Variants in PID1 observed in about 807,000 individuals in gnomAD.
PID1 encodes the protein phosphotyrosine interaction domain containing 1.
PID1 carries 10 observed loss-of-function variants against 19.1 expected under a neutral mutation model. That is an observed-to-expected ratio of 0.52 (90% confidence interval 0.32 to 0.89). PID1 has a LOEUF of 0.89. Among genes scored for constraint, PID1 ranks in the 40% least tolerant of loss-of-function variants. The pLI is 0.03. For missense variants in PID1, 248 were observed against 285.3 expected, an observed-to-expected ratio of 0.87 and a Z score of 0.94; for synonymous variants, 130 against 116.0, an observed-to-expected ratio of 1.12 and a Z score of -0.78.
rs138857090 is a variant in PID1 at position 229,092,585 on chromosome 2, T to C, written c.177+63233A>G. On this transcript the variant is annotated intron_variant, in intron 2 of 2. Transcript: ENST00000392055. ...CTAAACTACTAGGGACTGTGCATGA[T>C]GACTAAGACCCAACAGCTCTGTCAA... Among the ~76,000 whole-genome samples the C allele has an allele frequency of 5.4e-3, 825 of 152,282 alleles. 5 individuals carry two copies. The highest frequency in any genetic ancestry group is 8.6e-3 in the Non-Finnish European group (585 of 68,022).
chr2:229,231,936 G>A, intron 1 of PID1: 1 of 1,550,432 alleles, frequency 6.4e-7, no homozygotes, highest in Non-Finnish European at 8.7e-7. Flanking sequence ...CGTTCCGGAG[G>A]CTAGGAAGAT....
intron 2 of PID1, among the ~76,000 whole-genome samples, chr2:229,120,273 G>A (rs964181789): frequency 6.6e-6 from 1 of 151,922 alleles, no homozygotes; most frequent in Non-Finnish European, 1.5e-5. Flanking sequence ...TTGACCAGAA[G>A]CCTTACCAAT....
At chr2:229,257,485 G>C (rs1426973652) in intron 1 of PID1, among the ~76,000 whole-genome samples, 2 of 152,074 alleles carry the variant, frequency 1.3e-5, no homozygotes, top group Non-Finnish European at 2.9e-5. Flanking sequence ...GTTAGAAGCA[G>C]AAGTACAGTA....
In PID1 at chr2:229,233,965, T is replaced by C. The variant is rs560307356; in HGVS notation, c.30+37049A>G. 1.3e-4 allele frequency among the ~76,000 whole-genome samples: 20 copies of C among 152,342 alleles called. 1 individual carries two copies. Among genetic ancestry groups the C allele is most frequent in the Middle Eastern group, 3.4e-3 (1 of 294 alleles). On this transcript the variant is annotated intron_variant, in intron 1 of 2. Transcript: ENST00000392055. ...AATATCCTTAGTCTCAAGAAGCATA[T>C]GACTTGGAAGGCTAAGACGTACAGA...
Position 229,211,670 on chromosome 2 carries a change from A to G in PID1, c.31-55706T>C, listed in dbSNP as rs575139063. ...CTATCTCTTCTACAGAATGTGATGC[A>G]TGGGCTTTGTGGCAGCTGTCTGAGT... On this transcript the variant is annotated intron_variant, in intron 1 of 2. Coordinates refer to ENST00000392055, the MANE Select transcript of PID1 (RefSeq NM_001100818.2). Among the ~76,000 whole-genome samples, 4 of 152,312 alleles carry G rather than the reference A, an allele frequency of 2.6e-5. No individual in the cohort carries two copies. In the East Asian group the frequency reaches 7.7e-4, roughly 29 times the overall value.
chr2:229,196,432 C>G (rs1376912348), intron 1 of PID1, among the ~76,000 whole-genome samples: 1 of 151,964 alleles, frequency 6.6e-6, no homozygotes, highest in Non-Finnish European at 1.5e-5. Flanking sequence ...TAAAAGTTAT[C>G]TATACTTTCC....
In PID1 at chr2:229,043,821, G is replaced by T. The variant is rs61077482; in HGVS notation, c.178-17713C>A. On this transcript the variant is annotated intron_variant, in intron 2 of 2. Coordinates refer to ENST00000392055, the MANE Select transcript of PID1 (RefSeq NM_001100818.2). ...GCCTGGCCAGCCATGGAAGCCATCG[G>T]CTTAGGTAAGCAGAAAATGCATCTT... 7.0e-4 allele frequency among the ~76,000 whole-genome samples: 107 copies of T among 152,314 alleles called. No individual in the cohort carries two copies. In the East Asian group the frequency reaches 0.019, roughly 27 times the overall value.
intron 2 of PID1, among the ~76,000 whole-genome samples, chr2:229,110,018 G>A (rs1047356039): frequency 2.0e-5 from 3 of 152,178 alleles, no homozygotes; most frequent in Admixed American, 1.3e-4. Flanking sequence ...CTGCTGAAAG[G>A]AGCTTTAAGA....
chr2:229,145,162 T>C (rs758095692), intron 2 of PID1, among the ~76,000 whole-genome samples: 11,344 of 134,370 alleles, frequency 0.084, 589 homozygotes, highest in East Asian at 0.24. Context: ...TGTGTATATA[T>C]ATATATATAT....
chr2:229,106,497 T>C (rs1195835981), intron 2 of PID1, among the ~76,000 whole-genome samples: 1 of 152,198 alleles, frequency 6.6e-6, no homozygotes, highest in Non-Finnish European at 1.5e-5. Context: ...ATGAATAGTA[T>C]TGATAGATAG....
chr2:229,070,691 G>T (rs1300735358), intron 2 of PID1, among the ~76,000 whole-genome samples: 1 of 152,134 alleles, frequency 6.6e-6, no homozygotes, highest in African/African-American at 2.4e-5. Context: ...GGGAGCAGGA[G>T]AGGCATCAAA....
rs191849333 is a variant in PID1 at position 229,076,406 on chromosome 2, G to T, written c.178-50298C>A. On this transcript the variant is annotated intron_variant, in intron 2 of 2. Transcript: ENST00000392055. ...TTTGTTTTTTTTTTACTTTTTTTAT[G>T]ATTATACTTTAAGTTCTGGGATAAC... Among the ~76,000 whole-genome samples the T allele has an allele frequency of 7.3e-5, 11 of 151,204 alleles. No homozygotes were observed. In the East Asian group the frequency reaches 1.6e-3, roughly 21 times the overall value.
At chr2:229,201,968 A>G (rs1433823425) in intron 1 of PID1, among the ~76,000 whole-genome samples, 2 of 152,000 alleles carry the variant, frequency 1.3e-5, no homozygotes, top group Non-Finnish European at 2.9e-5. Flanking sequence ...CCACATTCCT[A>G]TGGCTCCCAC....
At chr2:229,141,639 A>G (rs1003683505) in intron 2 of PID1, among the ~76,000 whole-genome samples, 9 of 128,116 alleles carry the variant, frequency 7.0e-5, no homozygotes, top group Non-Finnish European at 1.4e-4. Context: ...TCATCAATCA[A>G]TGTGGGGGGG....
Position 229,197,989 on chromosome 2 carries a change from A to C in PID1, c.31-42025T>G, listed in dbSNP as rs11899948. ...GTTTTAAAGTAGTGGTAGCAAAATGAACAACTCAAATAAAACTTTTTTGAG... is the reference window on the plus strand; with the variant it reads ...GTTTTAAAGTAGTGGTAGCAAAATGCACAACTCAAATAAAACTTTTTTGAG... On this transcript the variant is annotated intron_variant, in intron 1 of 2. Transcript: ENST00000392055. Among the ~76,000 whole-genome samples the C allele has an allele frequency of 5.7e-3, 860 of 152,188 alleles. 11 individuals are homozygous for C. Among genetic ancestry groups the C allele is most frequent in the African/African-American group, 0.019 (796 of 41,544 alleles).
chr2:229,153,857 C>A (rs1690310447), intron 2 of PID1, among the ~76,000 whole-genome samples: 1 of 152,158 alleles, frequency 6.6e-6, no homozygotes, highest in Admixed American at 6.5e-5. Context: ...CTTTATCACA[C>A]TTAATTCTCC....
intron 2 of PID1, among the ~76,000 whole-genome samples, chr2:229,105,733 C>A (rs1043624140): frequency 6.6e-6 from 1 of 152,114 alleles, no homozygotes; most frequent in Non-Finnish European, 1.5e-5. Context: ...AAACTGAGAC[C>A]CAGGGAAGTC....
chr2:229,112,045 A>G (rs2106149274), intron 2 of PID1, among the ~76,000 whole-genome samples: 1 of 152,362 alleles, frequency 6.6e-6, no homozygotes, highest in African/African-American at 2.4e-5. Context: ...ACGACAGTAA[A>G]TTAGCACATC....
chr2:229,107,263 A>C (rs10167152), intron 2 of PID1, among the ~76,000 whole-genome samples: 53,887 of 151,936 alleles, frequency 0.35, 10,629 homozygotes, highest in Middle Eastern at 0.52. Context: ...TGTTGTTTTA[A>C]GCCACCAAGT....
Sources: gnomAD v4.1 joint callset for allele counts (sites outside exome capture counted in the v4.1 genomes callset) on GRCh38, gnomAD v4.1.1 for gene constraint, MANE v1.5 for transcripts, NCBI Gene and HGNC (gene_info 2026-07-23, HGNC 2026-07-21) for gene names.